The following ZNF486 variants were observed in gnomAD, a reference collection of about 807,000 sequenced individuals.
ZNF486 encodes zinc finger protein 486.
ZNF486 carries 12 observed loss-of-function variants against 12.8 expected under a neutral mutation model. That is an observed-to-expected ratio of 0.94 (90% CI 0.60 to 1.52). The LOEUF is 1.52. Among genes scored for constraint, ZNF486 ranks in the 40% most tolerant of loss-of-function variants. The pLI, the probability that ZNF486 is intolerant of heterozygous loss-of-function variation, is 0.00. For synonymous variants in ZNF486, 231 were observed against 184.9 expected (o/e 1.25, Z -2.02); for missense variants, 738 against 545.0 (o/e 1.35, Z -3.53).
rs184428353 is a variant in ZNF486 at position 20,186,509 on chromosome 19, T to G, written c.253+427T>G. Among the ~76,000 whole-genome samples the G allele has an allele frequency of 2.4e-4, 37 of 152,322 alleles. 1 individual carries two copies. The East Asian group carries it at 7.1e-3, about 29-fold the overall frequency. On this transcript the variant is annotated intron_variant, in intron 3 of 3. Coordinates refer to ENST00000335117, the MANE Select transcript of ZNF486 (RefSeq NM_052852.4). ...GTTTTTGTTGCATTTTTTGTTCATT[T>G]TTTCTGCACAGTCCATTCTGTTTTT...
chr19:20,196,762 A>G (rs1385392364), intron 3 of ZNF486, among the ~76,000 whole-genome samples: 1 of 152,164 alleles, frequency 6.6e-6, no homozygotes, highest in African/African-American at 2.4e-5. Context: ...ACACACTTAA[A>G]ACTCACTTAT....
intron 3 of ZNF486, among the ~76,000 whole-genome samples, chr19:20,194,178 G>A (rs1425691692): frequency 1.3e-5 from 2 of 152,084 alleles, no homozygotes; most frequent in Non-Finnish European, 2.9e-5. Context: ...AGAAAGTTAT[G>A]TATTTTCATA....
intron 1 of ZNF486, among the ~76,000 whole-genome samples, 175 bp downstream of exon 1, chr19:20,167,535 G>C (rs2089598012): frequency 6.6e-6 from 1 of 152,192 alleles, no homozygotes; most frequent in South Asian, 2.1e-4. Context: ...CTGACAGCCG[G>C]TCCCGGGGCG....
intron 3 of ZNF486, among the ~76,000 whole-genome samples, chr19:20,193,412 A>G (rs1325780909): frequency 6.6e-6 from 1 of 151,422 alleles, no homozygotes; most frequent in African/African-American, 2.4e-5. Flanking sequence ...CTGTGTTCTC[A>G]GCACTTTGGG....
rs181479393 is a variant in ZNF486, at chr19:20,198,193, C to G, written c.*91C>G. 2.9e-3 allele frequency: 3,138 copies of G among 1,099,294 alleles called. 31 individuals carry two copies. The highest frequency in any genetic ancestry group is 0.024 in the Middle Eastern group (89 of 3,642). The allele number at this position is 1,099,294 out of a possible 1,614,324, so 68.1% of individuals were successfully genotyped here. On this transcript the variant is annotated 3_prime_UTR_variant, in exon 4 of 4. Coordinates refer to ENST00000335117, the MANE Select transcript of ZNF486 (RefSeq NM_052852.4). ...GTGCAATGGCATAATTTTGGCTCACCACAACCTCCACCTTCTGGGTTCAAG... is the reference window on the plus strand; with the variant it reads ...GTGCAATGGCATAATTTTGGCTCACGACAACCTCCACCTTCTGGGTTCAAG...
At position 20,198,485 on chromosome 19, in the gene ZNF486, G is replaced by A; in HGVS notation, c.*383G>A. ...AAACCCTACAAGTGTGAAGAATGTG[G>A]CAAGCCTGTAACAAGTTCTCAATTC... On this transcript the variant is annotated 3_prime_UTR_variant, in exon 4 of 4. Transcript: ENST00000335117. 5.0e-6 allele frequency: 1 copy of A among 198,850 alleles called. No individual in the cohort carries two copies. Among genetic ancestry groups the A allele is most frequent in the Non-Finnish European group, 1.1e-5 (1 of 94,986 alleles). The allele number at this position is 198,850 out of a possible 1,614,324, so 12.3% of individuals were successfully genotyped here. A position where few individuals can be genotyped will look rare whatever the true frequency, so the allele number is the denominator to read the frequency against.
In ZNF486 at chr19:20,184,382, T is replaced by C. The variant is rs782206457; in HGVS notation, c.57T>C (p.Ala19=). ...AATCATTGCAATTTAGAGATGTGGC[T>C]GTAGAATTCTCTCTGGAGGAGTGGC... is the stretch of plus-strand genomic sequence containing the variant. ...EMESLQFRDV[A]VEFSLEEWHC... The change falls in exon 2 of 4, where the codon GCT becomes GCC. Residue 19 remains alanine (A), a synonymous_variant. Coordinates refer to ENST00000335117, the MANE Select transcript of ZNF486 (RefSeq NM_052852.4). 6.2e-7 allele frequency: 1 copy of C among 1,613,480 alleles called. No individual in the cohort carries two copies. The highest frequency in any genetic ancestry group is 1.1e-5 in the South Asian group (1 of 91,058).
At chr19:20,175,697 A>T (rs373685502) in intron 1 of ZNF486, among the ~76,000 whole-genome samples, 6 of 152,202 alleles carry the variant, frequency 3.9e-5, no homozygotes, top group African/African-American at 1.4e-4. Context: ...TTTTCTTAGT[A>T]CAGACCAAAA....
At chr19:20,168,887 C>CT (rs2089614344) in intron 1 of ZNF486, among the ~76,000 whole-genome samples, 1 of 151,850 alleles carries the variant, frequency 6.6e-6, no homozygotes, top group Non-Finnish European at 1.5e-5. Flanking sequence ...GTGGCCCAGG[C>CT]TGGAGTGCAG....
intron 1 of ZNF486, among the ~76,000 whole-genome samples, chr19:20,170,792 C>CT (rs1167970204): frequency 2.0e-5 from 3 of 152,146 alleles, no homozygotes; most frequent in Admixed American, 6.5e-5. Context: ...CCATGATTAT[C>CT]TATGTGTTTC....
At chr19:20,185,396 TTGTTTATG>T (rs2089830856) in intron 2 of ZNF486, among the ~76,000 whole-genome samples, 1 of 149,656 alleles carries the variant, frequency 6.7e-6, no homozygotes, top group African/African-American at 2.5e-5. Flanking sequence ...TTTTAAGGTA[TTGTTTATG>T]TTTTTTTTTT....
At chr19:20,188,971 G>T (rs2089876814) in intron 3 of ZNF486, among the ~76,000 whole-genome samples, 1 of 152,186 alleles carries the variant, frequency 6.6e-6, no homozygotes, top group African/African-American at 2.4e-5. Context: ...ATATTTTGAT[G>T]TGTTTATAAA....
intron 1 of ZNF486, among the ~76,000 whole-genome samples, chr19:20,168,309 A>C (rs1378856017): frequency 2.6e-5 from 4 of 151,724 alleles, no homozygotes; most frequent in Non-Finnish European, 4.4e-5. Flanking sequence ...CAGTGAGCTG[A>C]GACCGCGCCA....
At chr19:20,173,931 G>A (rs2089677871) in intron 1 of ZNF486, among the ~76,000 whole-genome samples, 1 of 150,194 alleles carries the variant, frequency 6.7e-6, no homozygotes, top group Admixed American at 6.6e-5. Context: ...AAAAATATAT[G>A]TAAATTATAT....
At chr19:20,183,424 A>G (rs1286287548) in intron 1 of ZNF486, among the ~76,000 whole-genome samples, 2 of 152,264 alleles carry the variant, frequency 1.3e-5, no homozygotes, top group Non-Finnish European at 1.5e-5. Context: ...CTTGGGTGCT[A>G]AATGAAGCCT....
chr19:20,180,189 C>T (rs1339115040), intron 1 of ZNF486, among the ~76,000 whole-genome samples: 1 of 152,186 alleles, frequency 6.6e-6, no homozygotes, highest in African/African-American at 2.4e-5. Flanking sequence ...AATTCTGCTT[C>T]TGTCTCAGTG....
At chr19:20,177,292 T>C (rs1280021600) in intron 1 of ZNF486, among the ~76,000 whole-genome samples, 3 of 152,230 alleles carry the variant, frequency 2.0e-5, no homozygotes, top group South Asian at 4.1e-4. Context: ...TATTCAACCA[T>C]TTTTGTAGCA....
chr19:20,169,793 G>A (rs2089626763), intron 1 of ZNF486, among the ~76,000 whole-genome samples: 1 of 151,154 alleles, frequency 6.6e-6, no homozygotes, highest in South Asian at 2.1e-4. Flanking sequence ...GGAGGGGAAT[G>A]ACAAATGGAG....
rs2089974529 is a variant in ZNF486 at position 20,197,717 on chromosome 19, T to C, written c.1007T>C (p.Ile336Thr). The C allele has an allele frequency of 2.5e-6, 4 of 1,611,360 alleles. No homozygotes were observed. The highest frequency in any genetic ancestry group is 3.4e-6 in the Non-Finnish European group (4 of 1,179,396). ...KCGKAFISSS[I>T]LSKHEKIHTG... is the part of the protein sequence containing the mutation. Reference sequence around the variant, plus strand: ...GGCAAAGCCTTTATTTCATCCTCGATCCTTAGTAAACATGAGAAGATTCAT... The same window carrying C: ...GGCAAAGCCTTTATTTCATCCTCGACCCTTAGTAAACATGAGAAGATTCAT... The change falls in exon 4 of 4, where the codon ATC becomes ACC. Residue 336 changes from isoleucine to threonine, a missense_variant. By Grantham distance (89) the Ile-to-Thr change is moderately conservative. Coordinates refer to ENST00000335117, the MANE Select transcript of ZNF486 (RefSeq NM_052852.4).
Sources: gnomAD v4.1 joint callset for allele counts (sites outside exome capture counted in the v4.1 genomes callset) on GRCh38, gnomAD v4.1.1 for gene constraint, MANE v1.5 for transcripts, NCBI Gene and HGNC (gene_info 2026-07-23, HGNC 2026-07-21) for gene names.